PIP4K2C: variants seen among roughly 807,000 people sequenced by gnomAD.
The protein encoded by PIP4K2C is phosphatidylinositol 5-phosphate 4-kinase type-2 gamma.
Under a neutral mutation model 45.0 loss-of-function variants are expected in PIP4K2C, and 21 were observed. That is an observed-to-expected ratio of 0.47 (90% confidence interval 0.33 to 0.67). PIP4K2C has a LOEUF of 0.67. Ranked by LOEUF, PIP4K2C falls within the 30% of genes least tolerant of loss-of-function variation. The pLI, the probability that PIP4K2C is intolerant of heterozygous loss-of-function variation, is 0.02. For missense variants in PIP4K2C, 456 were observed against 542.8 expected (o/e 0.84, Z 1.59); for synonymous variants, 201 against 204.8 (o/e 0.98, Z 0.16).
At chr12:57,599,702 G>C (rs1346660594) in intron 6 of PIP4K2C, among the ~76,000 whole-genome samples, 2 of 152,160 alleles carry the variant, frequency 1.3e-5, no homozygotes, top group Non-Finnish European at 2.9e-5. Context: ...GACTTGAAGA[G>C]CAAAGTGTTT....
Position 57,595,997 on chromosome 12 carries a change from C to G in PIP4K2C, c.479C>G (p.Ala160Gly), listed in dbSNP as rs746670589. 1 of 1,613,944 alleles carries G rather than the reference C, an allele frequency of 6.2e-7. No individual in the cohort carries two copies. The highest frequency in any genetic ancestry group is 1.7e-5 in the Admixed American group (1 of 60,016). The change falls in exon 4 of 10, where the codon GCT becomes GGT. Residue 160 changes from alanine to glycine, a missense_variant. Around this residue, in one of 2 missense-constraint regions of PIP4K2C, gnomAD observed 421 missense variants for 473.1 expected, o/e 0.89. Transcript: ENST00000354947. The stretch of plus-strand genomic sequence containing the variant: ...AAAGAAGTATCCAGTGAGGACATTG[C>G]TGACATGCATAGCAACCTCTCCAAC... ...VIKEVSSEDI[A>G]DMHSNLSNYH...
chr12:57,601,401 A>G (rs959716062), intron 9 of PIP4K2C, 53 bp downstream of exon 9: 1 of 1,553,476 alleles, frequency 6.4e-7, no homozygotes, highest in African/African-American at 1.4e-5. Context: ...CTTTGGGAAT[A>G]GAGTCTCTTG....
intron 4 of PIP4K2C, among the ~76,000 whole-genome samples, chr12:57,596,672 C>T (rs1001742416): frequency 1.3e-5 from 2 of 152,152 alleles, no homozygotes; most frequent in African/African-American, 4.8e-5. Flanking sequence ...TTGAATACCT[C>T]TTATTAGGCC....
intron 4 of PIP4K2C, among the ~76,000 whole-genome samples, chr12:57,597,206 A>T (rs1199986987): frequency 6.6e-6 from 1 of 152,180 alleles, no homozygotes; most frequent in Non-Finnish European, 1.5e-5. Flanking sequence ...GTTTTAGAGA[A>T]TGGATTGGTG....
chr12:57,592,045 C>T (rs1882985729), intron 1 of PIP4K2C, among the ~76,000 whole-genome samples: 1 of 152,142 alleles, frequency 6.6e-6, no homozygotes, highest in South Asian at 2.1e-4. Flanking sequence ...CCACCCTGAG[C>T]TAGAAGTTGC....
chr12:57,594,798 A>G (rs912693985), intron 2 of PIP4K2C, among the ~76,000 whole-genome samples: 3 of 152,006 alleles, frequency 2.0e-5, no homozygotes, highest in Non-Finnish European at 2.9e-5. Flanking sequence ...GCAAAACCCT[A>G]TCTCTACTAA....
At chr12:57,598,750 T>G (rs1883299397) in intron 4 of PIP4K2C, among the ~76,000 whole-genome samples, 1 of 152,094 alleles carries the variant, frequency 6.6e-6, no homozygotes, top group African/African-American at 2.4e-5. Context: ...CTGTGCCACT[T>G]GCATATAGAA....
intron 1 of PIP4K2C, 25 bp downstream of exon 1, chr12:57,591,488 C>T (rs1882954867): frequency 6.3e-7 from 1 of 1,582,748 alleles, no homozygotes; most frequent in Non-Finnish European, 8.6e-7. Context: ...TAGACCCCCG[C>T]AGCCCTGTCC....
chr12:57,591,910 C>T (rs1017274873), intron 1 of PIP4K2C, among the ~76,000 whole-genome samples: 2 of 152,024 alleles, frequency 1.3e-5, no homozygotes, highest in Admixed American at 6.5e-5. Flanking sequence ...CCTTGCTTCC[C>T]AGCCCCGGTC....
Position 57,600,404 on chromosome 12 carries a change from A to G in PIP4K2C, c.780A>G (p.Lys260=), listed in dbSNP as rs113285547. The G allele has an allele frequency of 2.9e-5, 46 of 1,609,656 alleles. No individual in the cohort carries two copies. In the African/African-American group the frequency reaches 5.2e-4, roughly 18 times the overall value. The change falls in exon 7 of 10, where the codon AAA becomes AAG. Residue 260 remains lysine, a synonymous_variant. Transcript: ENST00000354947. ...TATATATTGGTGAAGAGGAGAAGAA[A>G]ATATTTCTGGAGAAGCTGAAGAGAG... ...QKVYIGEEEK[K]IFLEKLKRDV...
At chr12:57,600,600 T>G (rs1883386231) in intron 7 of PIP4K2C, among the ~76,000 whole-genome samples, 163 bp downstream of exon 7, 1 of 152,176 alleles carries the variant, frequency 6.6e-6, no homozygotes, top group Non-Finnish European at 1.5e-5. Context: ...CCCCTGGAGC[T>G]GACCCGTGGA....
rs1246456709 is a variant in PIP4K2C at position 57,601,044 on chromosome 12, C to T, written c.1047C>T (p.Ser349=). ...HRPLGPGEFE[S]FIDVYAIRSA... ...CCCTGGGCCCAGGAGAGTTTGAGTC[C>T]TTCATTGATGTCTATGCCATCCGGA... Residue 349 remains serine (S), a synonymous_variant, in exon 8 of 10, where the codon TCC becomes TCT. Transcript: ENST00000354947. 6.2e-7 allele frequency: 1 copy of T among 1,613,860 alleles called. No homozygotes were observed.
intron 4 of PIP4K2C, among the ~76,000 whole-genome samples, chr12:57,596,769 G>A (rs931848337): frequency 6.6e-6 from 1 of 152,194 alleles, no homozygotes; most frequent in Non-Finnish European, 1.5e-5. Flanking sequence ...CAGTGACCCA[G>A]TATTAGCACA....
At chr12:57,600,048 CAAAAA>C (rs56278212) in intron 6 of PIP4K2C, among the ~76,000 whole-genome samples, 1 of 139,470 alleles carries the variant, frequency 7.2e-6, no homozygotes, top group Non-Finnish European at 1.5e-5. Context: ...GATCCTATCT[CAAAAA>C]AAAAAAAAAA....
intron 6 of PIP4K2C, 127 bp from the exon 7 acceptor site, chr12:57,600,197 G>A: frequency 1.8e-6 from 1 of 565,254 alleles, no homozygotes; most frequent in African/African-American, 1.9e-5. Context: ...GAACAGACCA[G>A]GGAAGCATCA....
chr12:57,602,710 C>T lies in PIP4K2C; in HGVS notation c.*1104C>T. The T allele has an allele frequency of 6.6e-6, 1 of 152,594 alleles. No homozygotes were observed. The highest frequency in any genetic ancestry group is 1.5e-5 in the Non-Finnish European group (1 of 68,084). The allele number at this position is 152,594 out of a possible 1,614,324, so 9.5% of individuals were successfully genotyped here. A position where few individuals can be genotyped will look rare whatever the true frequency, so the allele number is the denominator to read the frequency against. ...ATTTGTTTTTCTGTTCTCTTCTGTC[C>T]TGTCTTATACTGCAACTGTGTCTCC... On this transcript the variant is annotated 3_prime_UTR_variant, in exon 10 of 10. Coordinates refer to ENST00000354947, the MANE Select transcript of PIP4K2C (RefSeq NM_024779.5).
intron 4 of PIP4K2C, 40 bp downstream of exon 4, chr12:57,596,071 C>T: frequency 1.9e-6 from 3 of 1,590,184 alleles, no homozygotes; most frequent in Non-Finnish European, 1.7e-6. Context: ...CCTCTCCTCC[C>T]TACTCACATA....
Position 57,600,801 on chromosome 12 carries a change from T to G in PIP4K2C, c.814-10T>G, listed in dbSNP as rs764822656. The G allele has an allele frequency of 5.6e-6, 9 of 1,613,656 alleles. No homozygotes were observed. Among genetic ancestry groups the G allele is most frequent in the African/African-American group, 1.3e-5 (1 of 74,922 alleles). On this transcript the variant is annotated splice_polypyrimidine_tract_variant and intron_variant, in intron 7 of 9. Transcript: ENST00000354947. ...GAGAGAGAGGTGTCTGATTTGTCAG[T>G]GGGTCTCAGTTTCTAGTGCAGCTGA...
In PIP4K2C at chr12:57,600,889, G is replaced by A. The variant is rs1410068328; in HGVS notation, c.892G>A (p.Glu298Lys). The A allele has an allele frequency of 2.5e-6, 4 of 1,614,106 alleles. No homozygotes were observed. The highest frequency in any genetic ancestry group is 2.5e-6 in the Non-Finnish European group (3 of 1,180,058). The change falls in exon 8 of 10, where the codon GAG becomes AAG. Residue 298 changes from glutamate to lysine, a missense_variant. Glu to Lys is a moderately conservative substitution (Grantham distance 56). Around this residue, in one of 2 missense-constraint regions of PIP4K2C, gnomAD observed 421 missense variants for 473.1 expected, o/e 0.89. Coordinates refer to ENST00000354947, the MANE Select transcript of PIP4K2C (RefSeq NM_024779.5). ...HDIIRGSEPE[E>K]EAPVREDESE... ...CATCATTCGGGGCTCTGAACCAGAG[G>A]AGGAAGCGCCCGTGCGGGAGGATGA...
Sources: gnomAD v4.1 joint callset for allele counts (sites outside exome capture counted in the v4.1 genomes callset) on GRCh38, gnomAD v4.1.1 for gene constraint, gnomAD v4.1.1 regional missense constraint, MANE v1.5 for transcripts, NCBI Gene and HGNC (gene_info 2026-07-23, HGNC 2026-07-21) for gene names.